MSH3: variants seen among roughly 807,000 people sequenced by gnomAD.
The protein encoded by MSH3 is mutS homolog 3, also known as DNA mismatch repair protein Msh3.
A neutral mutation model predicts 123.3 loss-of-function variants in MSH3; 106 were observed. That is an observed-to-expected ratio of 0.86 (90% CI 0.73 to 1.01). MSH3 has a LOEUF of 1.01. Among genes scored for constraint, MSH3 ranks in the 50% least tolerant of loss-of-function variants. The probability of loss-of-function intolerance (pLI) is 0.00; values close to 1 mark genes in which losing one functional copy is unlikely to be tolerated. For missense variants in MSH3, 1,459 were observed against 1,347.6 expected, an observed-to-expected ratio of 1.08 and a Z score of -1.29; for synonymous variants, 515 against 481.4, an observed-to-expected ratio of 1.07 and a Z score of -0.91.
intron 21 of MSH3, among the ~76,000 whole-genome samples, chr5:80,861,519 G>A (rs1028383629): frequency 6.6e-6 from 1 of 152,106 alleles, no homozygotes; most frequent in African/African-American, 2.4e-5. Context: ...TCTTCTGAGG[G>A]CAGACCTTGT....
chr5:80,837,135 C>T (rs1447700999), intron 20 of MSH3, among the ~76,000 whole-genome samples: 1 of 152,072 alleles, frequency 6.6e-6, no homozygotes, highest in Non-Finnish European at 1.5e-5. Flanking sequence ...AGTTTTTAAG[C>T]ATAGGAATCA....
Position 80,675,063 on chromosome 5 carries a change from T to C in MSH3, c.1108T>C (p.Cys370Arg). The change falls in exon 7 of 24, where the codon TGC (cysteine) becomes CGC (arginine). Residue 370 changes from cysteine to arginine, a missense_variant. Physicochemically the swap from Cys to Arg is radical, Grantham distance 180. Transcript: ENST00000265081. ...MTDTSTSYLL[C>R]ISENKENVRD... ...TGATACTTCTACCAGCTATCTTCTG[T>C]GCATCTCTGAAAATAAGGAAAATGT... 6.2e-7 allele frequency: 1 copy of C among 1,613,598 alleles called. No homozygotes were observed. The highest frequency in any genetic ancestry group is 8.5e-7 in the Non-Finnish European group (1 of 1,179,672).
chr5:80,662,840 A>AAATT (rs34563417), intron 2 of MSH3, among the ~76,000 whole-genome samples: 38,591 of 149,248 alleles, frequency 0.26, 5,110 homozygotes, highest in Middle Eastern at 0.33. Flanking sequence ...AAAAAAAAAA[A>AAATT]TTTTATTTGG....
intron 21 of MSH3, 77 bp from the exon 22 acceptor site, chr5:80,864,736 A>G: frequency 7.2e-7 from 1 of 1,381,240 alleles, no homozygotes; most frequent in Non-Finnish European, 1.0e-6. Flanking sequence ...AAATTTTTCA[A>G]AAGAAAGTGG....
In MSH3 at chr5:80,694,648, G is replaced by T. The variant is rs576903408; in HGVS notation, c.1340+15555G>T. On this transcript the variant is annotated intron_variant, in intron 8 of 23. Transcript: ENST00000265081. Reference sequence around the variant, plus strand: ...AGAACTTCCTTTAACCATTCTTTTAGAGTAGCTCTGCTTGTGTCAGAGTCT... The same window carrying T: ...AGAACTTCCTTTAACCATTCTTTTATAGTAGCTCTGCTTGTGTCAGAGTCT... Among the ~76,000 whole-genome samples, 12 of 151,612 alleles carry T rather than the reference G, an allele frequency of 7.9e-5. No individual in the cohort carries two copies. In the Middle Eastern group the frequency reaches 0.01, roughly 129 times the overall value.
chr5:80,797,926 T>C (rs1206427568), intron 19 of MSH3, among the ~76,000 whole-genome samples: 1 of 151,808 alleles, frequency 6.6e-6, no homozygotes, highest in Non-Finnish European at 1.5e-5. Flanking sequence ...ATCTCAACTC[T>C]CCCAGGATTG....
intron 13 of MSH3, among the ~76,000 whole-genome samples, chr5:80,765,531 T>C (rs370289323): frequency 1.2e-4 from 18 of 152,198 alleles, no homozygotes; most frequent in African/African-American, 4.3e-4. Context: ...AATACGTTCT[T>C]AGCCTTAATC....
chr5:80,755,066 A>G (rs182290965), intron 12 of MSH3, among the ~76,000 whole-genome samples: 2 of 152,260 alleles, frequency 1.3e-5, no homozygotes, highest in Admixed American at 1.3e-4. Context: ...CTGGGGATGC[A>G]TTACTGCTCG....
intron 21 of MSH3, among the ~76,000 whole-genome samples, chr5:80,863,119 GAT>G (rs1746041091): frequency 6.6e-6 from 1 of 152,186 alleles, no homozygotes; most frequent in African/African-American, 2.4e-5. Flanking sequence ...ATGTAAAACT[GAT>G]ATCACGTCCC....
chr5:80,719,169 G>A (rs762595254), intron 8 of MSH3, among the ~76,000 whole-genome samples: 14 of 151,302 alleles, frequency 9.3e-5, no homozygotes, highest in Non-Finnish European at 1.8e-4. Flanking sequence ...TGCCTCAGCC[G>A]CCTGAATAGC....
chr5:80,784,326 G>A (rs1231684795), intron 17 of MSH3, among the ~76,000 whole-genome samples: 1 of 151,624 alleles, frequency 6.6e-6, no homozygotes, highest in African/African-American at 2.4e-5. Context: ...GGTTTAGGGT[G>A]ACTCTTAACT....
rs145657887 is a variant in MSH3, at chr5:80,768,080, G to C, written c.2044G>C (p.Val682Leu). The change falls in exon 14 of 24, where the codon GTG (valine) becomes CTG (leucine). Residue 682 changes from valine to leucine, a missense_variant. Coordinates refer to ENST00000265081, the MANE Select transcript of MSH3 (RefSeq NM_002439.5). ...ILEIPELLSP[V>L]EHYLKILNEQ... ...AGAAATTCCTGAACTCCTCAGTCCA[G>C]TGGAGCATTACTTAAAGATACTCAA... 2.8e-4 allele frequency: 448 copies of C among 1,613,586 alleles called. No homozygotes were observed. The highest frequency in any genetic ancestry group is 3.7e-4 in the Non-Finnish European group (438 of 1,179,738).
In MSH3 at chr5:80,705,102, T is replaced by A. The variant is rs1750689095; in HGVS notation, c.1341-20351T>A. 2.0e-5 allele frequency among the ~76,000 whole-genome samples: 3 copies of A among 152,286 alleles called. No homozygotes were observed. The South Asian group carries it at 6.2e-4, about 32-fold the overall frequency. On this transcript the variant is annotated intron_variant, in intron 8 of 23. Transcript: ENST00000265081. Reference sequence around the variant, plus strand: ...AGTTAATACAGTGCATGAAACATAGTGCTCATTAAATATTACCTCCTGTTA... The same window carrying A: ...AGTTAATACAGTGCATGAAACATAGAGCTCATTAAATATTACCTCCTGTTA...
At chr5:80,823,287 A>G (rs1745233577) in intron 20 of MSH3, among the ~76,000 whole-genome samples, 1 of 152,224 alleles carries the variant, frequency 6.6e-6, no homozygotes, top group Admixed American at 6.5e-5. Context: ...CACCCTCACA[A>G]ACTACCAGTA....
intron 8 of MSH3, among the ~76,000 whole-genome samples, chr5:80,691,140 C>G (rs1176357372): frequency 6.6e-6 from 1 of 151,926 alleles, no homozygotes; most frequent in East Asian, 1.9e-4. Flanking sequence ...AATATTTAGA[C>G]TACGTATTTA....
intron 20 of MSH3, among the ~76,000 whole-genome samples, chr5:80,826,695 T>A (rs1165086953): frequency 6.6e-6 from 1 of 152,046 alleles, no homozygotes; most frequent in Admixed American, 6.5e-5. Context: ...ATTACAGGCA[T>A]GTGCCACCAC....
At chr5:80,693,571 A>G (rs1175933372) in intron 8 of MSH3, among the ~76,000 whole-genome samples, 2 of 148,668 alleles carry the variant, frequency 1.3e-5, no homozygotes, top group Non-Finnish European at 3.0e-5. Flanking sequence ...ATATAAATAT[A>G]TATGCACATG....
intron 10 of MSH3, among the ~76,000 whole-genome samples, chr5:80,737,952 G>T (rs1349194468): frequency 6.6e-6 from 1 of 151,990 alleles, no homozygotes; most frequent in African/African-American, 2.4e-5. Context: ...TTGAACTTTA[G>T]ATTACTTGTT....
At chr5:80,871,510 A>G (rs6151925) in intron 22 of MSH3, among the ~76,000 whole-genome samples, 16,685 of 152,204 alleles carry the variant, frequency 0.11, 1,148 homozygotes, top group African/African-American at 0.2. Flanking sequence ...AAGGCTTCCC[A>G]GCCCACACAT....
Sources: allele counts gnomAD v4.1 joint callset (sites outside exome capture counted in the v4.1 genomes callset), GRCh38; gene constraint gnomAD v4.1.1; transcripts MANE v1.5; gene names NCBI Gene and HGNC (gene_info 2026-07-23, HGNC 2026-07-21).